ARB2A: variants seen among roughly 807,000 people sequenced by gnomAD.
ARB2A encodes the protein cotranscriptional regulator ARB2A.
chr5:93,707,959 C>T, the ARB2A span, among the ~76,000 whole-genome samples: 1 of 152,140 alleles, frequency 6.6e-6, no homozygotes, highest in Non-Finnish European at 1.5e-5. Flanking sequence ...TACTCCTTTC[C>T]TCAACTTTTA....
the ARB2A span, among the ~76,000 whole-genome samples, chr5:93,851,904 C>T: frequency 6.6e-6 from 1 of 152,162 alleles, no homozygotes; most frequent in Non-Finnish European, 1.5e-5. Flanking sequence ...AATAGTGCCG[C>T]AATAAACATA....
At chr5:93,693,914 C>T in the ARB2A span, among the ~76,000 whole-genome samples, 1 of 152,190 alleles carries the variant, frequency 6.6e-6, no homozygotes, top group Non-Finnish European at 1.5e-5. Flanking sequence ...CATAATACAT[C>T]ACATAAACAG....
chr5:93,947,193 T>C, the ARB2A span, among the ~76,000 whole-genome samples: 1 of 152,216 alleles, frequency 6.6e-6, no homozygotes, highest in Non-Finnish European at 1.5e-5. Flanking sequence ...TGTTCCTATA[T>C]GGCAGTATTA....
the ARB2A span, among the ~76,000 whole-genome samples, chr5:94,094,342 G>T: frequency 6.6e-6 from 1 of 152,296 alleles, no homozygotes; most frequent in Admixed American, 6.5e-5. Flanking sequence ...GTGACCAGGA[G>T]AATGGCCTCT....
At chr5:93,822,336 C>T in the ARB2A span, among the ~76,000 whole-genome samples, 2 of 152,040 alleles carry the variant, frequency 1.3e-5, no homozygotes, top group African/African-American at 4.8e-5. Flanking sequence ...GCAGGACGGG[C>T]AAAATAGGAC....
At chr5:93,838,750 A>G in the ARB2A span, among the ~76,000 whole-genome samples, 1 of 151,534 alleles carries the variant, frequency 6.6e-6, no homozygotes, top group Non-Finnish European at 1.5e-5. Context: ...CATTGGGGAG[A>G]CCTTTTACTT....
At chr5:93,779,967 C>T in the ARB2A span, among the ~76,000 whole-genome samples, 13,974 of 152,020 alleles carry the variant, frequency 0.092, 1,059 homozygotes, top group African/African-American at 0.2. Flanking sequence ...TTTGAAATAA[C>T]TTTTTTTAAA....
At chr5:93,850,734 A>G in the ARB2A span, among the ~76,000 whole-genome samples, 50 of 152,336 alleles carry the variant, frequency 3.3e-4, 1 homozygote, top group East Asian at 9.4e-3. Context: ...ATTTGCAAGT[A>G]GCAGAATGGG....
the ARB2A span, among the ~76,000 whole-genome samples, chr5:93,967,604 G>C: frequency 1.3e-5 from 2 of 152,078 alleles, no homozygotes; most frequent in African/African-American, 4.8e-5. Context: ...TCAACCTTAA[G>C]GGGGAGGGGA....
chr5:94,053,072 T>TATAA, the ARB2A span: 5 of 638,518 alleles, frequency 7.8e-6, no homozygotes, highest in Non-Finnish European at 1.3e-5. Context: ...TTGCATATAC[T>TATAA]ATAGATAGAT....
At chr5:94,071,570 G>A in the ARB2A span, among the ~76,000 whole-genome samples, 13 of 151,864 alleles carry the variant, frequency 8.6e-5, no homozygotes, top group African/African-American at 3.1e-4. Flanking sequence ...TTTAGAAAAT[G>A]GACAAAAAAT....
chr5:93,646,752 C>T, the ARB2A span, among the ~76,000 whole-genome samples: 2 of 151,610 alleles, frequency 1.3e-5, no homozygotes, highest in Non-Finnish European at 2.9e-5. Context: ...ATGTTTCAGA[C>T]TGAGATATGG....
chr5:93,666,408 GA>G, the ARB2A span, among the ~76,000 whole-genome samples: 989 of 151,032 alleles, frequency 6.5e-3, 6 homozygotes, highest in Non-Finnish European at 9.9e-3. Flanking sequence ...TGGAACTTGT[GA>G]AAAAAAATGT....
At chr5:93,883,494 T>C in the ARB2A span, among the ~76,000 whole-genome samples, 5 of 151,754 alleles carry the variant, frequency 3.3e-5, no homozygotes, top group Admixed American at 2.0e-4. Context: ...TTCTAATCTG[T>C]ATAGCTATTC....
the ARB2A span, chr5:93,738,532 T>C: frequency 6.6e-6 from 1 of 152,226 alleles, no homozygotes; most frequent in African/African-American, 2.4e-5. Context: ...CAATAGCCCA[T>C]TGGCTATTAA....
the ARB2A span, among the ~76,000 whole-genome samples, chr5:93,638,430 A>G: frequency 6.6e-6 from 1 of 152,202 alleles, no homozygotes; most frequent in Admixed American, 6.5e-5. Flanking sequence ...ATCTATGAAC[A>G]TATGTCTTTT....
the ARB2A span, among the ~76,000 whole-genome samples, chr5:93,690,019 G>A: frequency 2.6e-5 from 4 of 152,240 alleles, no homozygotes; most frequent in South Asian, 2.1e-4. Flanking sequence ...GGTGCATTCC[G>A]GCCCAGATAC....
the ARB2A span, among the ~76,000 whole-genome samples, chr5:93,880,738 T>C: frequency 6.6e-6 from 1 of 151,756 alleles, no homozygotes; most frequent in Non-Finnish European, 1.5e-5. Context: ...ACAAAATTGT[T>C]TGTGCCCCCT....
At chr5:93,915,081 T>C in the ARB2A span, among the ~76,000 whole-genome samples, 1 of 151,970 alleles carries the variant, frequency 6.6e-6, no homozygotes. Flanking sequence ...TCACATGACA[T>C]GGTTACTCTT....
Sources: gnomAD v4.1 joint callset for allele counts (sites outside exome capture counted in the v4.1 genomes callset) on GRCh38, gnomAD v4.1.1 for gene constraint, MANE v1.5 for transcripts, NCBI Gene and HGNC (gene_info 2026-07-23, HGNC 2026-07-21) for gene names.